Variants in PRKDC observed in about 807,000 individuals in gnomAD.
PRKDC encodes the protein protein kinase, DNA-activated, catalytic subunit.
In PRKDC, 82 loss-of-function variants were observed where a neutral mutation model predicts 486.9. The observed-to-expected ratio is 0.17, with a 90% CI of 0.14 to 0.20. The LOEUF is 0.20. Among genes scored for constraint, PRKDC ranks in the 10% least tolerant of loss-of-function variants. The pLI is 1.00. For synonymous variants in PRKDC, 1,895 were observed against 1,837.0 expected (o/e 1.03, Z -0.81); for missense variants, 4,504 against 5,038.2 (o/e 0.89, Z 3.21).
chr8:47,938,987 G>C (rs2090396864), intron 11 of PRKDC, among the ~76,000 whole-genome samples: 1 of 152,152 alleles, frequency 6.6e-6, no homozygotes, highest in Non-Finnish European at 1.5e-5. Context: ...ATAGCACAGA[G>C]GGGAAACATG....
intron 1 of PRKDC, chr8:47,959,252 C>A (rs991358988): frequency 1.3e-5 from 2 of 152,168 alleles, no homozygotes; most frequent in African/African-American, 2.4e-5. Flanking sequence ...AAAGTTCCCA[C>A]CCAGGCATTG....
chr8:47,913,922 T>C lies in PRKDC; in HGVS notation c.2760A>G (p.Thr920=), dbSNP rs745648790. ...GTACTTTAGTTTGTCTGTCACTGGC[T>C]GTGAGCGCTAATTCTGTGACTCGAG... is the stretch of plus-strand genomic sequence containing the variant. ...FLPRVTELAL[T]ASDRQTKVAA... The change falls in exon 24 of 86, where the codon ACA becomes ACG. Residue 920 remains threonine, a synonymous_variant. Transcript: ENST00000314191. 20 of 1,609,108 alleles carry C rather than the reference T, an allele frequency of 1.2e-5. No individual in the cohort carries two copies. The highest frequency in any genetic ancestry group is 1.7e-5 in the Non-Finnish European group (20 of 1,177,836).
chr8:47,954,411 A>G lies in PRKDC; in HGVS notation c.435T>C (p.Asp145=). 7.2e-7 allele frequency: 1 copy of G among 1,385,434 alleles called. No individual in the cohort carries two copies. The highest frequency in any genetic ancestry group is 9.8e-7 in the Non-Finnish European group (1 of 1,021,392). 85.8% of individuals were successfully genotyped at this position (1,385,434 alleles called of 1,614,324 possible). A position where few individuals can be genotyped will look rare whatever the true frequency, so the allele number is the denominator to read the frequency against. ...TAAATAATTCTCCAATTTTAAATTC[A>G]TCCATGAGTCTAGAACTTCTAAAAG... ...LQTFRSSRLM[D]EFKIGELFSK... The change falls in exon 5 of 86, where the codon GAT becomes GAC. Residue 145 remains aspartate, a synonymous_variant. Coordinates refer to ENST00000314191, the MANE Select transcript of PRKDC (RefSeq NM_006904.7).
intron 21 of PRKDC, among the ~76,000 whole-genome samples, chr8:47,926,225 A>G (rs895261344): frequency 4.6e-5 from 7 of 152,252 alleles, no homozygotes; most frequent in African/African-American, 1.7e-4. Flanking sequence ...TAAAAGCTAT[A>G]AAGGTTAACT....
Position 47,799,266 on chromosome 8 carries a change from A to G in PRKDC, c.10241T>C (p.Met3414Thr), listed in dbSNP as rs375012835. 32 of 1,613,776 alleles carry G rather than the reference A, an allele frequency of 2.0e-5. No individual in the cohort carries two copies. Among genetic ancestry groups the G allele is most frequent in the Non-Finnish European group, 2.4e-5 (28 of 1,179,908 alleles). ...TTGGTCACAGAAATCTGCCAGCGTC[A>G]TGTAAGCATCAATCACCCCAGCTGC... The part of the protein sequence containing the change: ...GPAAGVIDAY[M>T]TLADFCDQQL... Residue 3414 changes from methionine (M) to threonine (T), a missense_variant, in exon 72 of 86, where the codon ATG becomes ACG. By Grantham distance (81) the Met-to-Thr change is moderately conservative (BLOSUM62 -1). Around this residue, in one of 6 missense-constraint regions of PRKDC, gnomAD observed 706 missense variants for 945.0 expected, o/e 0.75. Coordinates refer to ENST00000314191, the MANE Select transcript of PRKDC (RefSeq NM_006904.7).
At chr8:47,948,124 A>G (rs1004822715) in intron 7 of PRKDC, among the ~76,000 whole-genome samples, 169 of 148,624 alleles carry the variant, frequency 1.1e-3, no homozygotes, top group Admixed American at 3.4e-3. Flanking sequence ...ACACACACAC[A>G]CGCGTTTATA....
At chr8:47,778,144 G>A (rs534212569) in intron 83 of PRKDC, among the ~76,000 whole-genome samples, 9 of 152,294 alleles carry the variant, frequency 5.9e-5, no homozygotes, top group African/African-American at 2.2e-4. Context: ...AGGTTAACCA[G>A]AGAAAAGATC....
chr8:47,821,035 C>G, intron 65 of PRKDC, 92 bp from the exon 66 acceptor site: 1 of 787,574 alleles, frequency 1.3e-6, no homozygotes, highest in South Asian at 3.8e-5. Flanking sequence ...GCTATACTTT[C>G]ACAGGTCAAG....
chr8:47,954,195 T>C (rs1375280561), intron 5 of PRKDC, 143 bp downstream of exon 5: 2 of 466,710 alleles, frequency 4.3e-6, no homozygotes, highest in Non-Finnish European at 7.4e-6. Context: ...TTGTTTTTGT[T>C]TGGTTCCATT....
chr8:47,824,285 C>T (rs1295995984), intron 63 of PRKDC, among the ~76,000 whole-genome samples: 1 of 151,752 alleles, frequency 6.6e-6, no homozygotes, highest in African/African-American at 2.4e-5. Context: ...TCAGCCTGGC[C>T]AACATGGTGA....
At chr8:47,853,083 C>T (rs1036117484) in intron 51 of PRKDC, among the ~76,000 whole-genome samples, 2 of 152,208 alleles carry the variant, frequency 1.3e-5, no homozygotes, top group Admixed American at 1.3e-4. Flanking sequence ...GAGCTACTAT[C>T]CAAGATCACG....
At chr8:47,815,354 G>A (rs764508463) in intron 68 of PRKDC, among the ~76,000 whole-genome samples, 4 of 152,204 alleles carry the variant, frequency 2.6e-5, no homozygotes, top group African/African-American at 4.8e-5. Flanking sequence ...GAACAAATGC[G>A]GCTAGATAGA....
intron 4 of PRKDC, 34 bp from the exon 5 acceptor site, chr8:47,954,480 G>T: frequency 2.3e-6 from 2 of 861,914 alleles, no homozygotes; most frequent in Non-Finnish European, 3.4e-6. Context: ...TCAATGTAGT[G>T]CGGGAATCAA....
chr8:47,913,458 G>A lies in PRKDC; in HGVS notation c.2781+443C>T, dbSNP rs958103774. Among the ~76,000 whole-genome samples, 4 of 152,058 alleles carry A rather than the reference G, an allele frequency of 2.6e-5. No homozygotes were observed. The South Asian group carries it at 8.3e-4, about 31-fold the overall frequency. On this transcript the variant is annotated intron_variant, in intron 24 of 85. Coordinates refer to ENST00000314191, the MANE Select transcript of PRKDC (RefSeq NM_006904.7). ...GTCTCCCAGGCTGGAATCCAGTGGC[G>A]TAATCTCGGCTTGCTGCAACCACTG...
At position 47,854,219 on chromosome 8, in the gene PRKDC, A is replaced by G; in HGVS notation, c.6762-5T>C. ...GAAAACTTTTCAAATATTAACCTGA[A>G]ACATAAGCACAAAGGAGAAAATTGA... is the stretch of plus-strand genomic sequence containing the variant. On this transcript the variant is annotated splice_region_variant and splice_polypyrimidine_tract_variant and intron_variant, in intron 50 of 85. Coordinates refer to ENST00000314191, the MANE Select transcript of PRKDC (RefSeq NM_006904.7). 6.2e-7 allele frequency: 1 copy of G among 1,612,170 alleles called. No homozygotes were observed. The highest frequency in any genetic ancestry group is 8.5e-7 in the Non-Finnish European group (1 of 1,178,218).
intron 40 of PRKDC, among the ~76,000 whole-genome samples, chr8:47,865,464 A>G (rs2088787230): frequency 6.6e-6 from 1 of 152,156 alleles, no homozygotes; most frequent in Non-Finnish European, 1.5e-5. Context: ...TATTTCCCAA[A>G]CAGAAATATA....
Position 47,848,016 on chromosome 8 carries a change from G to T in PRKDC, c.7280+1138C>A, listed in dbSNP as rs868168213. ...ATATTGGCAAGGCTGCAGAGAAAAAGGAACACTTATACATGGTTGGTGGGA... is the reference window on the plus strand; with the variant it reads ...ATATTGGCAAGGCTGCAGAGAAAAATGAACACTTATACATGGTTGGTGGGA... On this transcript the variant is annotated intron_variant, in intron 54 of 85. Coordinates refer to ENST00000314191, the MANE Select transcript of PRKDC (RefSeq NM_006904.7). Among the ~76,000 whole-genome samples the T allele has an allele frequency of 1.8e-4, 27 of 152,170 alleles. 1 individual carries two copies. The highest frequency in any genetic ancestry group is 6.0e-4 in the African/African-American group (25 of 41,516).
Position 47,778,656 on chromosome 8 carries a change from C to T in PRKDC, c.11656G>A (p.Ala3886Thr). 1.2e-6 allele frequency: 2 copies of T among 1,613,244 alleles called. No homozygotes were observed. Among genetic ancestry groups the T allele is most frequent in the Non-Finnish European group, 1.7e-6 (2 of 1,179,558 alleles). Residue 3886 changes from alanine (A) to threonine (T), a missense_variant, in exon 83 of 86, where the codon GCC (alanine) becomes ACC (threonine). By Grantham distance (58) the Ala-to-Thr change is moderately conservative. This residue lies in a region of PRKDC where 706 missense variants were observed against 945.0 expected (regional missense o/e 0.75). Coordinates refer to ENST00000314191, the MANE Select transcript of PRKDC (RefSeq NM_006904.7). Reference sequence around the variant, plus strand: ...GGGCTTGTACTCATCCTCACGAAGGCCCGCCTACAAAAGAGACACAGCTGT... The same window carrying T: ...GGGCTTGTACTCATCCTCACGAAGGTCCGCCTACAAAAGAGACACAGCTGT... ...SKVPADLLKR[A>T]FVRMSTSPEA...
chr8:47,897,163 G>A lies in PRKDC; in HGVS notation c.3596C>T (p.Pro1199Leu). The change falls in exon 30 of 86, where the codon CCA (proline) becomes CTA (leucine). Residue 1199 changes from proline (P) to leucine (L), a missense_variant and splice_region_variant. Coordinates refer to ENST00000314191, the MANE Select transcript of PRKDC (RefSeq NM_006904.7). ...ELFYKFVPLL[P>L]GNRSPNLWLK... ...TAAAGATATACAGATTACCATACCT[G>A]GCAATAAAGGAACGAATTTATAAAA... 1 of 1,592,922 alleles carries A rather than the reference G, an allele frequency of 6.3e-7. No homozygotes were observed. The highest frequency in any genetic ancestry group is 8.6e-7 in the Non-Finnish European group (1 of 1,163,182).
Sources: gnomAD v4.1 joint callset for allele counts (sites outside exome capture counted in the v4.1 genomes callset) on GRCh38, gnomAD v4.1.1 for gene constraint, gnomAD v4.1.1 regional missense constraint, MANE v1.5 for transcripts, NCBI Gene and HGNC (gene_info 2026-07-23, HGNC 2026-07-21) for gene names.